FAM135A: variants seen among roughly 807,000 people sequenced by gnomAD.
The protein encoded by FAM135A is family with sequence similarity 135 member A.
A neutral mutation model predicts 146.8 loss-of-function variants in FAM135A; 79 were observed. The ratio of observed to expected loss-of-function variants is 0.54; its 90% CI spans 0.45 to 0.65. The LOEUF (loss-of-function observed/expected upper bound fraction) is 0.65, where lower values mean the gene tolerates loss of function less well. FAM135A is among the 30% of genes least tolerant of loss of function. The pLI is 0.00. For missense variants in FAM135A, 1,623 were observed against 1,758.2 expected (o/e 0.92, Z 1.38); for synonymous variants, 562 against 603.6 (o/e 0.93, Z 1.01).
At chr6:70,477,614 AACTC>A (rs1180073706) in intron 8 of FAM135A, among the ~76,000 whole-genome samples, 1 of 152,056 alleles carries the variant, frequency 6.6e-6, no homozygotes, top group Non-Finnish European at 1.5e-5. Flanking sequence ...ATCTCATGAG[AACTC>A]ACTCACTATC....
At chr6:70,436,342 G>T (rs560927450) in intron 4 of FAM135A, among the ~76,000 whole-genome samples, 1 of 152,156 alleles carries the variant, frequency 6.6e-6, no homozygotes, top group Non-Finnish European at 1.5e-5. Flanking sequence ...TACTCGATAA[G>T]AAGTTAATTG....
intron 5 of FAM135A, among the ~76,000 whole-genome samples, chr6:70,454,376 C>T (rs904526309): frequency 1.3e-5 from 2 of 152,046 alleles, no homozygotes. Context: ...ACTCTGATGG[C>T]AGTTTCTTTT....
intron 12 of FAM135A, among the ~76,000 whole-genome samples, chr6:70,512,030 TATC>T (rs1329747246): frequency 6.6e-6 from 1 of 151,996 alleles, no homozygotes; most frequent in African/African-American, 2.4e-5. Context: ...CTTACTGAAT[TATC>T]ATTATAACAT....
At chr6:70,414,047 T>A (rs1766915418) in intron 1 of FAM135A, 1 of 985,606 alleles carries the variant, frequency 1.0e-6, no homozygotes, top group Non-Finnish European at 1.2e-6. Flanking sequence ...TCTTCGTCGC[T>A]CTGTCCCTCC....
intron 2 of FAM135A, among the ~76,000 whole-genome samples, chr6:70,416,746 C>A (rs1414884606): frequency 1.3e-5 from 2 of 151,876 alleles, no homozygotes; most frequent in African/African-American, 4.8e-5. Flanking sequence ...GGCAACAGAG[C>A]GAAACCCTCT....
intron 4 of FAM135A, among the ~76,000 whole-genome samples, chr6:70,451,045 TTTCC>T (rs1776974665): frequency 2.0e-5 from 3 of 152,184 alleles, no homozygotes; most frequent in African/African-American, 7.2e-5. Flanking sequence ...GTCTGGCCAC[TTTCC>T]TCTTTTTGCT....
At chr6:70,418,256 G>A (rs1291999487) in intron 2 of FAM135A, 3 of 152,216 alleles carry the variant, frequency 2.0e-5, no homozygotes, top group African/African-American at 7.2e-5. Flanking sequence ...GCAAAAGAAG[G>A]TCATGAGTGA....
intron 4 of FAM135A, 148 bp from the exon 5 acceptor site, chr6:70,452,342 ATT>A: frequency 3.5e-6 from 2 of 566,560 alleles, no homozygotes; most frequent in South Asian, 2.3e-5. Context: ...TGTAAGCCTG[ATT>A]TTTTTTTTCC....
chr6:70,491,260 G>A (rs1193171492), intron 11 of FAM135A, among the ~76,000 whole-genome samples, 177 bp downstream of exon 11: 2 of 151,728 alleles, frequency 1.3e-5, no homozygotes, highest in Non-Finnish European at 2.9e-5. Context: ...GCTTCAGCAT[G>A]AAGTTAACTT....
intron 5 of FAM135A, among the ~76,000 whole-genome samples, chr6:70,458,249 A>G (rs1428074662): frequency 6.6e-6 from 1 of 152,214 alleles, no homozygotes; most frequent in East Asian, 1.9e-4. Context: ...GAAGAAAGAA[A>G]TACATAAAAT....
intron 4 of FAM135A, among the ~76,000 whole-genome samples, chr6:70,440,808 G>A (rs778144600): frequency 1.8e-4 from 28 of 151,976 alleles, no homozygotes; most frequent in Non-Finnish European, 3.8e-4. Flanking sequence ...ATGAAACAAC[G>A]TTTTCAGAAG....
intron 4 of FAM135A, among the ~76,000 whole-genome samples, chr6:70,446,851 A>G (rs962828327): frequency 6.6e-6 from 1 of 152,364 alleles, no homozygotes; most frequent in Non-Finnish European, 1.5e-5. Context: ...CAAACCAGGG[A>G]CATACCCATT....
intron 5 of FAM135A, among the ~76,000 whole-genome samples, chr6:70,457,738 CT>C (rs1437765545): frequency 6.6e-6 from 1 of 152,162 alleles, no homozygotes; most frequent in African/African-American, 2.4e-5. Flanking sequence ...ATAATTCAAT[CT>C]CTAGGTCATT....
At position 70,538,412 on chromosome 6, in the gene FAM135A, A is replaced by G; in HGVS notation, c.4228+11A>G. On this transcript the variant is annotated intron_variant, in intron 20 of 21. Coordinates refer to ENST00000418814, the MANE Select transcript of FAM135A (RefSeq NM_001162529.3). The stretch of plus-strand genomic sequence containing the variant: ...TTAGTAACAAAGCAGGTAAGTATAT[A>G]ATAACAGTTTGGAAAATATACATGT... 1 of 1,408,124 alleles carries G rather than the reference A, an allele frequency of 7.1e-7. No individual in the cohort carries two copies. The highest frequency in any genetic ancestry group is 9.4e-7 in the Non-Finnish European group (1 of 1,061,996). 87.2% of individuals were successfully genotyped at this position (1,408,124 alleles called of 1,614,324 possible).
At position 70,460,848 on chromosome 6, in the gene FAM135A, C is replaced by CT. The variant is rs780821553; in HGVS notation, c.157+8293dup. On this transcript the variant is annotated intron_variant, in intron 5 of 21. Coordinates refer to ENST00000418814, the MANE Select transcript of FAM135A (RefSeq NM_001162529.3). The stretch of plus-strand genomic sequence containing the variant: ...TTTACCTAGATAGATAGATAGCTAT[C>CT]TTTTTTTTTTTTTTTTAAGTAGACT... Among the ~76,000 whole-genome samples, 973 of 134,698 alleles carry CT rather than the reference C, an allele frequency of 7.2e-3. 4 individuals are homozygous for CT. The highest frequency in any genetic ancestry group is 0.015 in the Middle Eastern group (4 of 274). The allele number at this position is 134,698 out of a possible 152,430, so 88.4% of individuals were successfully genotyped here. A position where few individuals can be genotyped will look rare whatever the true frequency, so the allele number is the denominator to read the frequency against.
At chr6:70,517,610 G>T (rs973997947) in intron 12 of FAM135A, among the ~76,000 whole-genome samples, 1 of 151,836 alleles carries the variant, frequency 6.6e-6, no homozygotes, top group Non-Finnish European at 1.5e-5. Flanking sequence ...GTAGAGACAG[G>T]GTTTCACCGT....
chr6:70,421,870 T>C (rs1476005098), intron 2 of FAM135A, among the ~76,000 whole-genome samples: 1 of 152,184 alleles, frequency 6.6e-6, no homozygotes, highest in Non-Finnish European at 1.5e-5. Flanking sequence ...GCCAGCAGAC[T>C]GTGCAGGAGG....
At chr6:70,465,678 G>A (rs1780325251) in intron 5 of FAM135A, among the ~76,000 whole-genome samples, 1 of 152,094 alleles carries the variant, frequency 6.6e-6, no homozygotes, top group Non-Finnish European at 1.5e-5. Context: ...CACACTGTGT[G>A]TGGCCAGTCG....
In FAM135A at chr6:70,556,784, A is replaced by C. The variant is rs771116806; in HGVS notation, c.4263A>C (p.Gly1421=). ...ATTTCAAAAATGTTGTGCTAGTGGG[A>C]TCCCTACAGGATCGCTATGTTCCTT... ...LHYFKNVVLV[G]SLQDRYVPYH... The change falls in exon 21 of 22, where the codon GGA becomes GGC. Residue 1421 remains glycine (G), a synonymous_variant. Transcript: ENST00000418814. 23 of 1,613,118 alleles carry C rather than the reference A, an allele frequency of 1.4e-5. No homozygotes were observed. In the East Asian group the frequency reaches 5.1e-4, roughly 36 times the overall value.
Sources: allele counts gnomAD v4.1 joint callset (sites outside exome capture counted in the v4.1 genomes callset), GRCh38; gene constraint gnomAD v4.1.1; transcripts MANE v1.5; gene names NCBI Gene and HGNC (gene_info 2026-07-23, HGNC 2026-07-21).